C8orf33: variants seen among roughly 807,000 people sequenced by gnomAD.
The protein encoded by C8orf33 is UPF0488 protein C8orf33.
A neutral mutation model predicts 25.7 loss-of-function variants in C8orf33; 28 were observed. The observed-to-expected ratio is 1.09, with a 90% CI of 0.81 to 1.49. The LOEUF is 1.49. Among genes scored for constraint, C8orf33 ranks in the 40% most tolerant of loss-of-function variants. C8orf33 has a pLI of 0.00. For missense variants in C8orf33, 369 were observed against 294.4 expected, an observed-to-expected ratio of 1.25 and a Z score of -1.85; for synonymous variants, 153 against 115.9, an observed-to-expected ratio of 1.32 and a Z score of -2.06.
In C8orf33 at chr8:145,052,725, C is replaced by A. The variant is rs1480625107; in HGVS notation, c.146C>A (p.Thr49Lys). ...STVCLCPEQP[T>K]CSNADSRAHP... ...GTCTGTCTCTGCCCAGAGCAACCTACGTGCAGTAACGCTGACTCCAGAGCG... is the reference window on the plus strand; with the variant it reads ...GTCTGTCTCTGCCCAGAGCAACCTAAGTGCAGTAACGCTGACTCCAGAGCG... Residue 49 changes from threonine (T) to lysine (K), a missense_variant, in exon 2 of 5, where the codon ACG becomes AAG. Coordinates refer to ENST00000331434, the MANE Select transcript of C8orf33 (RefSeq NM_023080.3). The A allele has an allele frequency of 5.6e-6, 9 of 1,614,040 alleles. No individual in the cohort carries two copies. The highest frequency in any genetic ancestry group is 7.6e-6 in the Non-Finnish European group (9 of 1,180,040).
intron 4 of C8orf33, 116 bp from the exon 5 acceptor site, chr8:145,053,902 G>T: frequency 7.9e-7 from 1 of 1,271,654 alleles, no homozygotes; most frequent in Non-Finnish European, 1.1e-6. Flanking sequence ...CAAATTTGAG[G>T]AATTAATCAG....
Position 145,053,078 on chromosome 8 carries a change from A to C in C8orf33, c.335A>C (p.Gln112Pro). The C allele has an allele frequency of 6.2e-7, 1 of 1,614,170 alleles. No individual in the cohort carries two copies. Among genetic ancestry groups the C allele is most frequent in the Non-Finnish European group, 8.5e-7 (1 of 1,180,018 alleles). Residue 112 changes from glutamine (Q) to proline (P), a missense_variant, in exon 3 of 5, where the codon CAG becomes CCG. Physicochemically the swap from Gln to Pro is moderately conservative, Grantham distance 76 (BLOSUM62 -1). Transcript: ENST00000331434. ...SAEAQAQQLA[Q>P]ELAWCVEQLE... ...CCATCACAGGCACAACAGTTGGCCC[A>C]GGAATTGGCTTGGTGTGTGGAGCAA...
In C8orf33 at chr8:145,054,121, C is replaced by G. The variant is rs375971721; in HGVS notation, c.654C>G (p.Asp218Glu). Reference sequence around the variant, plus strand: ...TATGGAGAGCCAAAGCCACTCTGGACATGCCTGATGAAGAGTTTAGGTTCA... The same window carrying G: ...TATGGAGAGCCAAAGCCACTCTGGAGATGCCTGATGAAGAGTTTAGGTTCA... Reference protein sequence around the residue: ...RSIWRAKATLDMPDEEFRFNF... With the variant: ...RSIWRAKATLEMPDEEFRFNF... Residue 218 changes from aspartate (D) to glutamate (E), a missense_variant, in exon 5 of 5, where the codon GAC becomes GAG. Physicochemically the swap from Asp to Glu is conservative, Grantham distance 45 (BLOSUM62 2). Coordinates refer to ENST00000331434, the MANE Select transcript of C8orf33 (RefSeq NM_023080.3). The G allele has an allele frequency of 2.5e-5, 40 of 1,614,070 alleles. No individual in the cohort carries two copies. Among genetic ancestry groups the G allele is most frequent in the Non-Finnish European group, 3.2e-5 (38 of 1,180,044 alleles).
At chr8:145,053,465 G>C (rs765789876) in intron 4 of C8orf33, 22 bp downstream of exon 4, 3 of 1,612,386 alleles carry the variant, frequency 1.9e-6, no homozygotes, top group African/African-American at 2.7e-5. Context: ...GCCACTGGTT[G>C]ATTCAGGAAG....
Position 145,052,641 on chromosome 8 carries a change from G to A in C8orf33, c.62G>A (p.Cys21Tyr). 6.2e-7 allele frequency: 1 copy of A among 1,612,222 alleles called. No individual in the cohort carries two copies. Among genetic ancestry groups the A allele is most frequent in the Non-Finnish European group, 8.5e-7 (1 of 1,179,978 alleles). Residue 21 changes from cysteine (C) to tyrosine (Y), a missense_variant, in exon 2 of 5, where the codon TGC becomes TAC. Physicochemically the swap from Cys to Tyr is radical, Grantham distance 194. Transcript: ENST00000331434. ...GCGGCCCCAGGCCCGGGTACTCCCT[G>A]CGCGTCCCGCGGAGCCCGGCTTCCC... Reference protein sequence around the residue: ...AAAAPGPGTPCASRGARLPGP... With the variant: ...AAAAPGPGTPYASRGARLPGP...
chr8:145,052,802 A>C lies in C8orf33; in HGVS notation c.223A>C (p.Lys75Gln). The change falls in exon 2 of 5, where the codon AAG becomes CAG. Residue 75 changes from lysine (K) to glutamine (Q), a missense_variant. Coordinates refer to ENST00000331434, the MANE Select transcript of C8orf33 (RefSeq NM_023080.3). Reference sequence around the variant, plus strand: ...AGCGTCGAAAAAACAAAAGAATAAGAAGAAAACGCGGAACAGGGCCTCTGT... The same window carrying C: ...AGCGTCGAAAAAACAAAAGAATAAGCAGAAAACGCGGAACAGGGCCTCTGT... ...GTASKKQKNK[K>Q]KTRNRASVAN... is the part of the protein sequence containing the mutation. The C allele has an allele frequency of 6.2e-7, 1 of 1,614,030 alleles. No homozygotes were observed. The highest frequency in any genetic ancestry group is 8.5e-7 in the Non-Finnish European group (1 of 1,180,030).
intron 4 of C8orf33, 48 bp downstream of exon 4, chr8:145,053,491 G>C (rs747915581): frequency 1.3e-6 from 2 of 1,599,480 alleles, no homozygotes; most frequent in African/African-American, 2.7e-5. Flanking sequence ...ACTTAAGGAG[G>C]AAGTGTCTAG....
chr8:145,053,513 A>C, intron 4 of C8orf33, 70 bp downstream of exon 4: 1 of 1,521,740 alleles, frequency 6.6e-7, no homozygotes, highest in Non-Finnish European at 9.0e-7. Flanking sequence ...GGGTGAAAGG[A>C]AGAAGGCCCA....
chr8:145,053,606 C>T (rs1354901444), intron 4 of C8orf33, 163 bp downstream of exon 4: 4 of 707,780 alleles, frequency 5.7e-6, no homozygotes, highest in Non-Finnish European at 6.9e-6. Context: ...ACCTCTCTTT[C>T]CTCTTCCTAG....
rs1835345808 is a variant in C8orf33, at chr8:145,055,456, A to C, written c.*1299A>C. ...GAGGGCTTGGTCTAGCAGTAACACC[A>C]GTGTCTGGGAAGATGCCTGTTGCAA... On this transcript the variant is annotated 3_prime_UTR_variant, in exon 5 of 5. Coordinates refer to ENST00000331434, the MANE Select transcript of C8orf33 (RefSeq NM_023080.3). The C allele has an allele frequency of 6.4e-6, 1 of 156,270 alleles. No individual in the cohort carries two copies. Among genetic ancestry groups the C allele is most frequent in the Non-Finnish European group, 1.4e-5 (1 of 70,876 alleles). The allele number at this position is 156,270 out of a possible 1,614,324, so 9.7% of individuals were successfully genotyped here.
chr8:145,052,756 G>T lies in C8orf33; in HGVS notation c.177G>T (p.Pro59=). The change falls in exon 2 of 5, where the codon CCG becomes CCT. Residue 59 remains proline, a synonymous_variant. Transcript: ENST00000331434. The part of the protein sequence containing the change: ...TCSNADSRAH[P]LGDEGGTASK... ...GTAACGCTGACTCCAGAGCGCACCCGTTGGGCGATGAAGGCGGCACAGCGT... is the reference window on the plus strand; with the variant it reads ...GTAACGCTGACTCCAGAGCGCACCCTTTGGGCGATGAAGGCGGCACAGCGT... 2 of 1,614,202 alleles carry T rather than the reference G, an allele frequency of 1.2e-6. No individual in the cohort carries two copies. Among genetic ancestry groups the T allele is most frequent in the Non-Finnish European group, 1.7e-6 (2 of 1,180,038 alleles).
intron 1 of C8orf33, 26 bp downstream of exon 1, chr8:145,052,523 G>C (rs566306900): frequency 1.9e-6 from 3 of 1,600,200 alleles, no homozygotes; most frequent in African/African-American, 2.7e-5. Flanking sequence ...AAGACGCGCG[G>C]GTGGCTGGGC....
At chr8:145,053,526 G>A in intron 4 of C8orf33, 83 bp downstream of exon 4, 3 of 1,424,540 alleles carry the variant, frequency 2.1e-6, no homozygotes, top group South Asian at 1.2e-5. Flanking sequence ...AAGGCCCAGA[G>A]CAACAAGCCT....
chr8:145,054,125 C>G lies in C8orf33; in HGVS notation c.658C>G (p.Pro220Ala). The G allele has an allele frequency of 6.2e-7, 1 of 1,614,146 alleles. No individual in the cohort carries two copies. The highest frequency in any genetic ancestry group is 8.5e-7 in the Non-Finnish European group (1 of 1,180,032). The stretch of plus-strand genomic sequence containing the variant: ...GAGAGCCAAAGCCACTCTGGACATG[C>G]CTGATGAAGAGTTTAGGTTCAATTT... ...IWRAKATLDM[P>A]DEEFRFNFF Residue 220 changes from proline (P) to alanine (A), a missense_variant, in exon 5 of 5, where the codon CCT becomes GCT. Transcript: ENST00000331434.
rs752466333 is a variant in C8orf33 at position 145,054,159 on chromosome 8, G to A, written c.*2G>A. 53 of 1,613,730 alleles carry A rather than the reference G, an allele frequency of 3.3e-5. No individual in the cohort carries two copies. The South Asian group carries it at 3.6e-4, about 11-fold the overall frequency. ...GAGTTTAGGTTCAATTTCTTTTAGC[G>A]TCTCCCCGAACCTGAAACAATCCCC... On this transcript the variant is annotated 3_prime_UTR_variant, in exon 5 of 5. Coordinates refer to ENST00000331434, the MANE Select transcript of C8orf33 (RefSeq NM_023080.3).
chr8:145,052,483 C>G lies in C8orf33; in HGVS notation c.-9C>G. 2 of 1,598,354 alleles carry G rather than the reference C, an allele frequency of 1.3e-6. No homozygotes were observed. Reference sequence around the variant, plus strand: ...GCGCCCCGCGTAGTTCCGGTGGCGACTGCGGCGCATGGCGGTGAGCGGTGT... The same window carrying G: ...GCGCCCCGCGTAGTTCCGGTGGCGAGTGCGGCGCATGGCGGTGAGCGGTGT... On this transcript the variant is annotated 5_prime_UTR_variant, in exon 1 of 5. Transcript: ENST00000331434.
At position 145,052,666 on chromosome 8, in the gene C8orf33, C is replaced by T. The variant is rs371372179; in HGVS notation, c.87C>T (p.Pro29=). ...TPCASRGARL[P]GPVSSARNPS... ...GCGCGTCCCGCGGAGCCCGGCTTCC[C>T]GGCCCAGTTTCCAGCGCCCGGAATC... Residue 29 remains proline (P), a synonymous_variant, in exon 2 of 5, where the codon CCC becomes CCT. Coordinates refer to ENST00000331434, the MANE Select transcript of C8orf33 (RefSeq NM_023080.3). The T allele has an allele frequency of 1.7e-5, 28 of 1,613,414 alleles. No homozygotes were observed. Among genetic ancestry groups the T allele is most frequent in the South Asian group, 2.2e-5 (2 of 91,092 alleles).
chr8:145,052,937 G>T, intron 2 of C8orf33, 40 bp downstream of exon 2: 2 of 1,527,904 alleles, frequency 1.3e-6, no homozygotes, highest in Non-Finnish European at 8.7e-7. Context: ...GAATCCACGG[G>T]TGCGAATCCA....
intron 4 of C8orf33, 28 bp downstream of exon 4, chr8:145,053,471 G>C (rs753590466): frequency 6.2e-7 from 1 of 1,611,766 alleles, no homozygotes. Flanking sequence ...GGTTGATTCA[G>C]GAAGGCCTAA....
Sources: allele counts gnomAD v4.1 joint callset, GRCh38; gene constraint gnomAD v4.1.1; transcripts MANE v1.5; gene names NCBI Gene and HGNC (gene_info 2026-07-23, HGNC 2026-07-21).